The following SMC6 variants were observed in gnomAD, a reference collection of about 807,000 sequenced individuals.
The protein encoded by SMC6 is structural maintenance of chromosomes protein 6.
SMC6 carries 79 observed loss-of-function variants against 142.2 expected under a neutral mutation model. The observed-to-expected ratio is 0.56, with a 90% confidence interval of 0.46 to 0.67. SMC6 has a LOEUF of 0.67. SMC6 is among the 30% of genes least tolerant of loss of function. SMC6 has a pLI of 0.00. For missense variants in SMC6, 1,072 were observed against 1,284.0 expected (o/e 0.83, Z 2.52); for synonymous variants, 411 against 412.4 (o/e 1.00, Z 0.04).
chr2:17,743,500 C>T (rs560890714), intron 3 of SMC6, among the ~76,000 whole-genome samples: 2 of 152,032 alleles, frequency 1.3e-5, no homozygotes, highest in East Asian at 1.9e-4. Context: ...CTATATACCC[C>T]CTACCCCCAC....
At chr2:17,746,256 T>C (rs981376654) in intron 2 of SMC6, 56 of 217,906 alleles carry the variant, frequency 2.6e-4, no homozygotes, top group Admixed American at 8.3e-4. Flanking sequence ...AAGCGTAAGA[T>C]AGTAAGTTTG....
intron 26 of SMC6, among the ~76,000 whole-genome samples, chr2:17,669,192 C>T (rs952552140): frequency 6.6e-6 from 1 of 152,112 alleles, no homozygotes; most frequent in Non-Finnish European, 1.5e-5. Flanking sequence ...CTGGAAATGA[C>T]AGTTTGCATT....
intron 16 of SMC6, among the ~76,000 whole-genome samples, chr2:17,710,045 T>C (rs933658077): frequency 2.0e-5 from 3 of 152,150 alleles, no homozygotes; most frequent in Non-Finnish European, 4.4e-5. Flanking sequence ...CAGCAAAGTT[T>C]AGAGTCCTTT....
chr2:17,697,894 A>G (rs926275816), intron 21 of SMC6, among the ~76,000 whole-genome samples: 1 of 152,118 alleles, frequency 6.6e-6, no homozygotes, highest in African/African-American at 2.4e-5. Context: ...GAATGTTCGC[A>G]GCAGCAGCAC....
At chr2:17,739,735 C>G (rs917641491) in intron 4 of SMC6, among the ~76,000 whole-genome samples, 1 of 151,956 alleles carries the variant, frequency 6.6e-6, no homozygotes, top group African/African-American at 2.4e-5. Flanking sequence ...ATAGCTTGAG[C>G]CCAGGAGTTC....
intron 15 of SMC6, among the ~76,000 whole-genome samples, chr2:17,715,615 TAAA>T (rs963202383): frequency 1.3e-5 from 2 of 152,020 alleles, no homozygotes; most frequent in African/African-American, 4.8e-5. Context: ...AACACGTGAC[TAAA>T]AAAAATTTTT....
chr2:17,715,067 TA>T lies in SMC6; in HGVS notation c.1526-3del, dbSNP rs769866933. On this transcript the variant is annotated splice_region_variant and splice_polypyrimidine_tract_variant and intron_variant, in intron 15 of 27. Coordinates refer to ENST00000448223, the MANE Select transcript of SMC6 (RefSeq NM_001142286.2). Reference sequence around the variant, plus strand: ...GGTCCCGAAGATGAATGCAAGCTCCTAAAAGTGAGAGAAAATTACAGAAGGG... The same window carrying T: ...GGTCCCGAAGATGAATGCAAGCTCCTAAAGTGAGAGAAAATTACAGAAGGG... 121 of 1,610,372 alleles carry T rather than the reference TA, an allele frequency of 7.5e-5. No individual in the cohort carries two copies. The highest frequency in any genetic ancestry group is 9.3e-5 in the Non-Finnish European group (110 of 1,179,286).
At chr2:17,739,923 C>CACACAG (rs1670357663) in intron 4 of SMC6, among the ~76,000 whole-genome samples, 1 of 127,832 alleles carries the variant, frequency 7.8e-6, no homozygotes, top group Admixed American at 7.7e-5. Context: ...CACACACACA[C>CACACAG]ACACAGAATA....
At chr2:17,740,345 TC>T (rs1344141466) in intron 4 of SMC6, among the ~76,000 whole-genome samples, 1 of 152,140 alleles carries the variant, frequency 6.6e-6, no homozygotes, top group Non-Finnish European at 1.5e-5. Flanking sequence ...TAACCTAGCT[TC>T]CTATTCTAGC....
rs560646133 is a variant in SMC6 at position 17,728,790 on chromosome 2, C to A, written c.543+2288G>T. Among the ~76,000 whole-genome samples, 3 of 152,140 alleles carry A rather than the reference C, an allele frequency of 2.0e-5. No individual in the cohort carries two copies. In the South Asian group the frequency reaches 6.2e-4, roughly 32 times the overall value. On this transcript the variant is annotated intron_variant, in intron 7 of 27. Transcript: ENST00000448223. Reference sequence around the variant, plus strand: ...TTGAAACAGGGTCTCGCTGTGTCACCCAGGCTGGAGTGCAGTGGCGTGATC... The same window carrying A: ...TTGAAACAGGGTCTCGCTGTGTCACACAGGCTGGAGTGCAGTGGCGTGATC...
chr2:17,678,818 G>A (rs1441438665), intron 25 of SMC6, 41 bp downstream of exon 25: 1 of 1,404,806 alleles, frequency 7.1e-7, no homozygotes, highest in South Asian at 1.3e-5. Flanking sequence ...GAAACAACTA[G>A]TTTTTCTAAT....
At chr2:17,724,366 A>G (rs746363055) in intron 9 of SMC6, among the ~76,000 whole-genome samples, 3 of 152,222 alleles carry the variant, frequency 2.0e-5, no homozygotes, top group Non-Finnish European at 4.4e-5. Context: ...AACTTAAAAT[A>G]TGTATTCCTC....
intron 23 of SMC6, 121 bp from the exon 24 acceptor site, chr2:17,683,884 G>A (rs1264288157): frequency 1.2e-6 from 1 of 841,138 alleles, no homozygotes; most frequent in African/African-American, 1.7e-5. Context: ...AGGGGGCCTA[G>A]TAGCAGTCAA....
intron 5 of SMC6, among the ~76,000 whole-genome samples, chr2:17,737,492 T>A (rs1476975530): frequency 6.6e-6 from 1 of 152,086 alleles, no homozygotes; most frequent in Non-Finnish European, 1.5e-5. Context: ...TGGGGCAGTA[T>A]GGAAAAGAAT....
chr2:17,694,503 AC>A (rs1330123078), intron 23 of SMC6, among the ~76,000 whole-genome samples: 1 of 152,220 alleles, frequency 6.6e-6, no homozygotes, highest in Non-Finnish European at 1.5e-5. Context: ...AAATATGTTG[AC>A]ATACCACTAA....
chr2:17,752,834 T>C (rs1416144556), intron 2 of SMC6, 144 bp downstream of exon 2: 3 of 164,510 alleles, frequency 1.8e-5, no homozygotes. Context: ...TTCCTTTGAA[T>C]ATATATTACT....
chr2:17,740,752 A>C, intron 4 of SMC6: 1 of 440,942 alleles, frequency 2.3e-6, no homozygotes, highest in South Asian at 1.6e-5. Context: ...CACAAGGCTG[A>C]AACAGGAGAA....
chr2:17,750,526 A>G (rs1572373228), intron 2 of SMC6, among the ~76,000 whole-genome samples: 1 of 152,346 alleles, frequency 6.6e-6, no homozygotes, highest in African/African-American at 2.4e-5. Context: ...AAAGGCTTCT[A>G]TAGCTCTAAC....
At chr2:17,666,745 G>A (rs1223135407) in intron 26 of SMC6, among the ~76,000 whole-genome samples, 1 of 152,034 alleles carries the variant, frequency 6.6e-6, no homozygotes, top group Non-Finnish European at 1.5e-5. Flanking sequence ...TGCTTTGAGA[G>A]GTGGAGGTCA....
Sources: gnomAD v4.1 joint callset for allele counts (sites outside exome capture counted in the v4.1 genomes callset) on GRCh38, gnomAD v4.1.1 for gene constraint, MANE v1.5 for transcripts, NCBI Gene and HGNC (gene_info 2026-07-23, HGNC 2026-07-21) for gene names.